The following AHCY variants were observed in gnomAD, a reference collection of about 807,000 sequenced individuals.
The protein encoded by AHCY is S-adenosyl-L-homocysteine hydrolase.
AHCY carries 24 observed loss-of-function variants against 45.4 expected under a neutral mutation model. The observed-to-expected ratio is 0.53, with a 90% CI of 0.38 to 0.74. The LOEUF (loss-of-function observed/expected upper bound fraction) is 0.74, where lower values mean the gene tolerates loss of function less well. Ranked by LOEUF, AHCY falls within the 30% of genes least tolerant of loss-of-function variation. The pLI is 0.00. For missense variants in AHCY, 449 were observed against 594.1 expected, an observed-to-expected ratio of 0.76 and a Z score of 2.54; for synonymous variants, 245 against 235.1, an observed-to-expected ratio of 1.04 and a Z score of -0.39.
chr20:34,279,447 A>G (rs1005664942), downstream of AHCY, among the ~76,000 whole-genome samples: 2 of 151,858 alleles, frequency 1.3e-5, no homozygotes, highest in African/African-American at 4.8e-5. Flanking sequence ...AACAACTCTA[A>G]AAGATGCTTG....
Position 34,285,477 on chromosome 20 carries a change from T to G in AHCY, c.1130A>C (p.Asp377Ala). 1 of 1,614,086 alleles carries G rather than the reference T, an allele frequency of 6.2e-7. No individual in the cohort carries two copies. Among genetic ancestry groups the G allele is most frequent in the African/African-American group, 1.3e-5 (1 of 75,058 alleles). The change falls in exon 9 of 10, where the codon GAC becomes GCC. Residue 377 changes from aspartate to alanine, a missense_variant. Coordinates refer to ENST00000217426, the MANE Select transcript of AHCY (RefSeq NM_000687.4). ...GAAATGAACCCCAACGGGGTACTTG[T>G]CTGGATGGGTCCACAGCTCGATCTG... ...MAQIELWTHP[D>A]KYPVGVHFLP...
chr20:34,269,939 T>C, the AHCY span, among the ~76,000 whole-genome samples: 1 of 73,992 alleles, frequency 1.4e-5, no homozygotes, highest in Non-Finnish European at 2.2e-5. Flanking sequence ...AGCGAGAAAC[T>C]CTGTCTTAAA....
At chr20:34,267,627 G>A in the AHCY span, among the ~76,000 whole-genome samples, 4 of 152,108 alleles carry the variant, frequency 2.6e-5, no homozygotes, top group East Asian at 7.7e-4. Context: ...CACCTCCCCG[G>A]TTCAAACAAT....
At chr20:34,256,273 A>C in the AHCY span, among the ~76,000 whole-genome samples, 1 of 152,146 alleles carries the variant, frequency 6.6e-6, no homozygotes, top group South Asian at 2.1e-4. Flanking sequence ...TCTTGTATCC[A>C]ATAAATAACA....
At chr20:34,257,129 G>A in the AHCY span, among the ~76,000 whole-genome samples, 4 of 147,830 alleles carry the variant, frequency 2.7e-5, no homozygotes, top group East Asian at 3.9e-4. Flanking sequence ...TTTCACCCAG[G>A]CTGGAGTGAA....
chr20:34,258,751 ATAAT>A, the AHCY span, among the ~76,000 whole-genome samples: 1 of 88,336 alleles, frequency 1.1e-5, no homozygotes, highest in Non-Finnish European at 1.9e-5. Flanking sequence ...TATACTATAT[ATAAT>A]ATATGATATA....
At chr20:34,306,896 C>T (rs1020892560), upstream of AHCY, among the ~76,000 whole-genome samples, 2 of 152,012 alleles carry the variant, frequency 1.3e-5, no homozygotes, top group Non-Finnish European at 2.9e-5. Flanking sequence ...TTAGTGGTTG[C>T]CAGGTATTAG....
chr20:34,306,093 A>G (rs1184435436), upstream of AHCY, among the ~76,000 whole-genome samples: 3 of 151,750 alleles, frequency 2.0e-5, no homozygotes, highest in Admixed American at 1.3e-4. Flanking sequence ...AAAAAAAAAA[A>G]AAAAAGAAAA....
At chr20:34,239,834 T>A in the AHCY span, among the ~76,000 whole-genome samples, 1 of 152,206 alleles carries the variant, frequency 6.6e-6, no homozygotes, top group East Asian at 1.9e-4. Flanking sequence ...TCTGCACCCA[T>A]CACCACGAAA....
chr20:34,271,975 A>C, the AHCY span, among the ~76,000 whole-genome samples: 2 of 152,026 alleles, frequency 1.3e-5, no homozygotes, highest in East Asian at 3.9e-4. Context: ...AGCTTGAGAG[A>C]AAAAAAGGTA....
chr20:34,244,397 A>G, the AHCY span, among the ~76,000 whole-genome samples: 1 of 152,302 alleles, frequency 6.6e-6, no homozygotes, highest in South Asian at 2.1e-4. Context: ...TAGCCAGAAT[A>G]AGAACCTCTA....
upstream of AHCY, among the ~76,000 whole-genome samples, chr20:34,306,408 C>A (rs1181980777): frequency 6.6e-6 from 1 of 151,348 alleles, no homozygotes; most frequent in Admixed American, 6.6e-5. Flanking sequence ...CTCTCTGTTG[C>A]CCAGGCTGGA....
chr20:34,253,861 C>G, the AHCY span, among the ~76,000 whole-genome samples: 1 of 152,128 alleles, frequency 6.6e-6, no homozygotes, highest in Non-Finnish European at 1.5e-5. Context: ...GTGTCTGGAT[C>G]CTTCTTTTTA....
chr20:34,309,730 G>A (rs545579711), intron 1 of AHCY, among the ~76,000 whole-genome samples: 3 of 152,270 alleles, frequency 2.0e-5, no homozygotes, highest in African/African-American at 4.8e-5. Context: ...GCAGTGAGCC[G>A]AGATCGTGCC....
the AHCY span, among the ~76,000 whole-genome samples, chr20:34,267,162 C>T: frequency 6.6e-6 from 1 of 152,136 alleles, no homozygotes; most frequent in African/African-American, 2.4e-5. Flanking sequence ...TATATCTTAT[C>T]CTTGGTCTCA....
At chr20:34,262,904 G>A in the AHCY span, 4 of 1,613,770 alleles carry the variant, frequency 2.5e-6, no homozygotes, top group South Asian at 3.3e-5. Flanking sequence ...GTAAGGGCAG[G>A]GAAGTTCTGG....
At chr20:34,258,997 G>A in the AHCY span, among the ~76,000 whole-genome samples, 1 of 147,048 alleles carries the variant, frequency 6.8e-6, no homozygotes, top group Non-Finnish European at 1.5e-5. Flanking sequence ...GAGCCCAGGA[G>A]TTCAAGACCA....
chr20:34,307,241 G>A (rs1046476031), upstream of AHCY, among the ~76,000 whole-genome samples: 5 of 147,722 alleles, frequency 3.4e-5, no homozygotes, highest in South Asian at 2.1e-4. Flanking sequence ...GGTGCATGTC[G>A]CTACCACCCG....
At chr20:34,302,624 C>T in intron 1 of AHCY, 1 of 985,696 alleles carries the variant, frequency 1.0e-6, no homozygotes, top group Non-Finnish European at 1.2e-6. Context: ...ACACTTCAAT[C>T]GGTGGGACAG....
Sources: gnomAD v4.1 joint callset for allele counts (sites outside exome capture counted in the v4.1 genomes callset) on GRCh38, gnomAD v4.1.1 for gene constraint, MANE v1.5 for transcripts, NCBI Gene and HGNC (gene_info 2026-07-23, HGNC 2026-07-21) for gene names.